The following ITIH3 variants were observed in gnomAD, a reference collection of about 807,000 sequenced individuals.
ITIH3 encodes the protein inter-alpha-trypsin inhibitor heavy chain H3.
Under a neutral mutation model 96.5 loss-of-function variants are expected in ITIH3, and 81 were observed. That is an observed-to-expected ratio of 0.84 (90% CI 0.70 to 1.01). The LOEUF is 1.01. ITIH3 is among the 50% of genes least tolerant of loss of function. The probability of loss-of-function intolerance (pLI) is 0.00; values close to 1 mark genes in which losing one functional copy is unlikely to be tolerated. For missense variants in ITIH3, 1,057 were observed against 1,139.3 expected (o/e 0.93, Z 1.04); for synonymous variants, 422 against 445.2 (o/e 0.95, Z 0.66).
intron 9 of ITIH3, 66 bp from the exon 10 acceptor site, chr3:52,800,472 T>G: frequency 6.5e-7 from 1 of 1,543,392 alleles, no homozygotes; most frequent in East Asian, 2.4e-5. Flanking sequence ...CCTCCTCCGC[T>G]CCAGCCTGTC....
At position 52,795,820 on chromosome 3, in the gene ITIH3, G is replaced by A. The variant is rs114157837; in HGVS notation, c.114+197G>A. The A allele has an allele frequency of 2.2e-3, 1,250 of 563,270 alleles. 15 individuals are homozygous for A. The highest frequency in any genetic ancestry group is 0.021 in the African/African-American group (1,133 of 53,094). The allele number at this position is 563,270 out of a possible 1,614,324, so 34.9% of individuals were successfully genotyped here. A position where few individuals can be genotyped will look rare whatever the true frequency, so the allele number is the denominator to read the frequency against. The stretch of plus-strand genomic sequence containing the variant: ...ACAGAGTGACGACCCCTCCAACCTC[G>A]CAGGATGTAGCCCAAGAGGGCCCCT... On this transcript the variant is annotated intron_variant, in intron 2 of 21. Coordinates refer to ENST00000449956, the MANE Select transcript of ITIH3 (RefSeq NM_002217.4).
At chr3:52,806,167 C>T (rs1269605978) in intron 17 of ITIH3, 29 bp downstream of exon 17, 15 of 1,601,434 alleles carry the variant, frequency 9.4e-6, no homozygotes, top group South Asian at 4.5e-5. Flanking sequence ...CTCGGGAAGG[C>T]TCAGGGGCCT....
At chr3:52,801,283 A>G in intron 11 of ITIH3, 137 bp downstream of exon 11, 1 of 725,154 alleles carries the variant, frequency 1.4e-6, no homozygotes, top group South Asian at 2.2e-5. Context: ...TCTCTTACCC[A>G]TCAGTAAAGA....
At chr3:52,800,257 G>C in intron 9 of ITIH3, 2 of 544,024 alleles carry the variant, frequency 3.7e-6, no homozygotes, top group Non-Finnish European at 3.3e-6. Context: ...CCCAGCAAGA[G>C]GTACTGGGAG....
rs750530761 is a variant in ITIH3 at position 52,799,503 on chromosome 3, T to C, written c.906+15T>C. 1 of 1,573,354 alleles carries C rather than the reference T, an allele frequency of 6.4e-7. No homozygotes were observed. Among genetic ancestry groups the C allele is most frequent in the Non-Finnish European group, 8.7e-7 (1 of 1,154,512 alleles). On this transcript the variant is annotated intron_variant, in intron 8 of 21. Coordinates refer to ENST00000449956, the MANE Select transcript of ITIH3 (RefSeq NM_002217.4). ...AATTAGAGCAGGTAATCAGCACCAG[T>C]GGCACAGCCAGGGCTCGGGGTAGTA...
At chr3:52,797,734 A>C in intron 5 of ITIH3, 83 bp from the exon 6 acceptor site, 1 of 828,428 alleles carries the variant, frequency 1.2e-6, no homozygotes, top group Non-Finnish European at 2.0e-6. Context: ...ATCACCACAG[A>C]CCCATCTCAT....
chr3:52,800,942 G>A (rs1699807932), intron 10 of ITIH3, 23 bp from the exon 11 acceptor site: 2 of 1,613,742 alleles, frequency 1.2e-6, no homozygotes, highest in Admixed American at 1.7e-5. Context: ...GGGCTGGACT[G>A]TGAACACCCC....
At chr3:52,806,003 AAGGGGAGGGG>A (rs147311825) in intron 16 of ITIH3, 90 bp from the exon 17 acceptor site, 1 of 1,496,962 alleles carries the variant, frequency 6.7e-7, no homozygotes, top group East Asian at 2.4e-5. Flanking sequence ...AGCGAGCGGG[AAGGGGAGGGG>A]AGGGGCATAA....
chr3:52,795,624 G>A lies in ITIH3; in HGVS notation c.114+1G>A, dbSNP rs773701436. ...TCAGAAACGGAGCCTCCCGGAAGGG[G>A]TAAGAACTTTCACCAGGGGGTGGGA... On this transcript the variant is annotated splice_donor_variant, in intron 2 of 21. Transcript: ENST00000449956. LOFTEE classifies it high-confidence loss of function. 2 of 1,612,490 alleles carry A rather than the reference G, an allele frequency of 1.2e-6. No homozygotes were observed. The highest frequency in any genetic ancestry group is 8.5e-7 in the Non-Finnish European group (1 of 1,179,304).
intron 1 of ITIH3, 61 bp downstream of exon 1, chr3:52,794,957 C>A: frequency 7.5e-7 from 1 of 1,330,892 alleles, no homozygotes; most frequent in Admixed American, 1.7e-5. Flanking sequence ...AGGCATCATG[C>A]TGGGCAAGGC....
chr3:52,802,730 G>A lies in ITIH3; in HGVS notation c.1633G>A (p.Glu545Lys), dbSNP rs750568869. ...DMKEMEKALQ[E>K]RDYIFGNYIE... is the part of the protein sequence containing the mutation. ...GAAGGAGATGGAGAAGGCCCTGCAG[G>A]AGCGGGACTACATCTTCGGGAATTA... Residue 545 changes from glutamate to lysine, a missense_variant, in exon 13 of 22, where the codon GAG becomes AAG. Transcript: ENST00000449956. The A allele has an allele frequency of 1.9e-6, 3 of 1,613,988 alleles. No individual in the cohort carries two copies. The highest frequency in any genetic ancestry group is 2.2e-5 in the South Asian group (2 of 91,084).
chr3:52,804,076 G>T, intron 14 of ITIH3, 67 bp downstream of exon 14: 1 of 1,535,656 alleles, frequency 6.5e-7, no homozygotes, highest in Non-Finnish European at 8.9e-7. Flanking sequence ...TGGGTGTCCA[G>T]TGGAGGAGTG....
At chr3:52,795,874 T>C in intron 2 of ITIH3, 1 of 520,078 alleles carries the variant, frequency 1.9e-6, no homozygotes, top group Admixed American at 3.4e-5. Context: ...CCGCAGACAC[T>C]TCCTTAGCAC....
At position 52,803,863 on chromosome 3, in the gene ITIH3, C is replaced by T. The variant is rs781508275; in HGVS notation, c.1718C>T (p.Ala573Val). 1 of 1,613,972 alleles carries T rather than the reference C, an allele frequency of 6.2e-7. No homozygotes were observed. Among genetic ancestry groups the T allele is most frequent in the Non-Finnish European group, 8.5e-7 (1 of 1,179,880 alleles). Reference sequence around the variant, plus strand: ...CTGGCCCCTCCTCACAGCAAGAACGCCCATGGCGAGGAGAAGGAGAACCTC... The same window carrying T: ...CTGGCCCCTCCTCACAGCAAGAACGTCCATGGCGAGGAGAAGGAGAACCTC... ...IEQLLEKRKN[A>V]HGEEKENLTA... Residue 573 changes from alanine (A) to valine (V), a missense_variant, in exon 14 of 22, where the codon GCC becomes GTC. By Grantham distance (64) the Ala-to-Val change is moderately conservative (BLOSUM62 0). Coordinates refer to ENST00000449956, the MANE Select transcript of ITIH3 (RefSeq NM_002217.4).
intron 13 of ITIH3, 146 bp downstream of exon 13, chr3:52,802,952 C>A (rs1578758474): frequency 1.1e-6 from 1 of 922,210 alleles, no homozygotes. Flanking sequence ...GAACCCCAGG[C>A]CGCCACTCCC....
At chr3:52,801,185 C>T (rs896723855) in intron 11 of ITIH3, 39 bp downstream of exon 11, 2 of 1,483,106 alleles carry the variant, frequency 1.3e-6, no homozygotes, top group Non-Finnish European at 1.8e-6. Flanking sequence ...ATAAGGAGCT[C>T]ACTACTTCCT....
intron 19 of ITIH3, 66 bp downstream of exon 19, chr3:52,807,171 AT>A: frequency 7.3e-7 from 1 of 1,372,844 alleles, no homozygotes; most frequent in Non-Finnish European, 1.0e-6. Flanking sequence ...CTCTTGAGGG[AT>A]TTAGAAAAAT....
At chr3:52,803,748 G>A (rs1699934073) in intron 13 of ITIH3, 107 bp from the exon 14 acceptor site, 2 of 1,284,710 alleles carry the variant, frequency 1.6e-6, no homozygotes, top group African/African-American at 3.0e-5. Context: ...ACCCCACAAT[G>A]GGGAAGGTGG....
chr3:52,799,050 A>C lies in ITIH3; in HGVS notation c.748A>C (p.Ile250Leu). The C allele has an allele frequency of 1.2e-6, 2 of 1,613,542 alleles. No homozygotes were observed. Among genetic ancestry groups the C allele is most frequent in the Non-Finnish European group, 1.7e-6 (2 of 1,179,698 alleles). Residue 250 changes from isoleucine (I) to leucine (L), a missense_variant, in exon 7 of 22, where the codon ATC becomes CTC. Ile to Leu is a conservative substitution (Grantham distance 5). Transcript: ENST00000449956. ...CTCCCTCCTCAATGGAGATTTCACT[A>C]TCACCTATGACGTGAACAGAGAATC... ...TDSLLNGDFT[I>L]TYDVNRESPG...
Sources: allele counts gnomAD v4.1 joint callset, GRCh38; gene constraint gnomAD v4.1.1; transcripts MANE v1.5; gene names NCBI Gene and HGNC (gene_info 2026-07-23, HGNC 2026-07-21).